Variants in CACNA1C observed in about 807,000 individuals in gnomAD.
CACNA1C encodes the protein calcium voltage-gated channel subunit alpha1 C.
A neutral mutation model predicts 229.0 loss-of-function variants in CACNA1C; 30 were observed. The observed-to-expected ratio is 0.13, with a 90% confidence interval of 0.10 to 0.18. The LOEUF (loss-of-function observed/expected upper bound fraction) is 0.18. CACNA1C is among the 10% of genes least tolerant of loss of function. The pLI is 1.00. For synonymous variants in CACNA1C, 1,114 were observed against 1,132.5 expected (o/e 0.98, Z 0.33); for missense variants, 1,658 against 2,845.0 (o/e 0.58, Z 9.49).
chr12:2,504,722 G>T lies in CACNA1C; in HGVS notation c.1114-120G>T. The T allele has an allele frequency of 1.3e-6, 1 of 759,218 alleles. No homozygotes were observed. Among genetic ancestry groups the T allele is most frequent in the South Asian group, 1.5e-5 (1 of 67,554 alleles). 47.0% of individuals were successfully genotyped at this position (759,218 alleles called of 1,614,324 possible). ...AGGCAGGCTGTTTGGCCTCTGATTT[G>T]CACCTAGAGGGTCCCCGGATCCTGG... On this transcript the variant is annotated intron_variant, in intron 7 of 46. Transcript: ENST00000399655. This position sits in a 1 kb window ranked among gnomAD's most constrained non-coding sequence, Gnocchi z 6.8.
chr12:2,179,141 A>G (rs1366768930), intron 3 of CACNA1C, among the ~76,000 whole-genome samples: 1 of 152,240 alleles, frequency 6.6e-6, no homozygotes, highest in Non-Finnish European at 1.5e-5. Flanking sequence ...ACAACCTAAT[A>G]GTTATTTAAT....
At chr12:2,389,903 C>G (rs2098455572) in intron 3 of CACNA1C, among the ~76,000 whole-genome samples, 1 of 152,162 alleles carries the variant, frequency 6.6e-6, no homozygotes, top group Non-Finnish European at 1.5e-5. Context: ...TATTTCCCTC[C>G]TCTCTTACTT....
chr12:2,416,727 GT>G (rs1348260329), intron 3 of CACNA1C, among the ~76,000 whole-genome samples: 1 of 152,222 alleles, frequency 6.6e-6, no homozygotes, highest in Non-Finnish European at 1.5e-5. Context: ...GAGAAGAGGA[GT>G]TAATTTTTAC....
intron 3 of CACNA1C, among the ~76,000 whole-genome samples, chr12:2,237,280 C>T (rs892656592): frequency 6.6e-6 from 1 of 152,228 alleles, no homozygotes; most frequent in African/African-American, 2.4e-5. Flanking sequence ...CTGCACACAG[C>T]AGCCTCCATT....
chr12:2,633,563 T>C lies in CACNA1C; in HGVS notation c.3829-734T>C. 2 of 920,686 alleles carry C rather than the reference T, an allele frequency of 2.2e-6. No individual in the cohort carries two copies. The highest frequency in any genetic ancestry group is 3.6e-6 in the Non-Finnish European group (2 of 551,400). 57.0% of individuals were successfully genotyped at this position (920,686 alleles called of 1,614,324 possible). A position where few individuals can be genotyped will look rare whatever the true frequency, so the allele number is the denominator to read the frequency against. On this transcript the variant is annotated intron_variant, in intron 29 of 46. Coordinates refer to ENST00000399655, the MANE Select transcript of CACNA1C (RefSeq NM_000719.7). The surrounding 1 kb of genome is among the most constrained non-coding windows in gnomAD (Gnocchi z 5.8). ...CTGGACGATGATTCTGATGGTGGTG[T>C]TGCTCTGTTCTTGTCTGTCTAATAT...
At chr12:2,154,517 T>C (rs2095454418) in intron 3 of CACNA1C, among the ~76,000 whole-genome samples, 2 of 152,008 alleles carry the variant, frequency 1.3e-5, no homozygotes, top group African/African-American at 4.8e-5. Context: ...GGGCCAGCAG[T>C]GGGTCAGGGA....
intron 1 of CACNA1C, among the ~76,000 whole-genome samples, chr12:2,031,622 C>A (rs1169673104): frequency 6.6e-6 from 1 of 152,146 alleles, no homozygotes; most frequent in African/African-American, 2.4e-5. Context: ...ATCCTACTAC[C>A]CCTTACCTTA....
chr12:2,550,555 G>A (rs757203844), intron 10 of CACNA1C: 1 of 1,351,794 alleles, frequency 7.4e-7, no homozygotes, highest in Non-Finnish European at 9.8e-7. Flanking sequence ...AAGGGAAGCA[G>A]AAGTGCAGTG....
At chr12:2,124,194 T>C (rs867711545) in intron 3 of CACNA1C, among the ~76,000 whole-genome samples, 10 of 151,230 alleles carry the variant, frequency 6.6e-5, no homozygotes, top group Middle Eastern at 3.4e-3. Context: ...GGCACTATGA[T>C]TAATAGGGAA....
chr12:2,459,169 GTTT>G (rs59909090), intron 5 of CACNA1C, among the ~76,000 whole-genome samples: 2,541 of 109,460 alleles, frequency 0.023, 49 homozygotes, highest in African/African-American at 0.068. Context: ...TTTTGTGTGT[GTTT>G]TTTTTTTTTT....
At position 2,204,952 on chromosome 12, in the gene CACNA1C, T is replaced by C. The variant is rs1181773435; in HGVS notation, c.477+84522T>C. 4.5e-5 allele frequency among the ~76,000 whole-genome samples: 3 copies of C among 66,390 alleles called. No homozygotes were observed. The Admixed American group carries it at 4.7e-4, about 10-fold the overall frequency. The allele number at this position is 66,390 out of a possible 152,430, so 43.6% of individuals were successfully genotyped here. A position where few individuals can be genotyped will look rare whatever the true frequency, so the allele number is the denominator to read the frequency against. Reference sequence around the variant, plus strand: ...AAAACTTTAATAAAAAAAAATAAATTAATTAAAAAAAACAAAAACAAAAAA... The same window carrying C: ...AAAACTTTAATAAAAAAAAATAAATCAATTAAAAAAAACAAAAACAAAAAA... On this transcript the variant is annotated intron_variant, in intron 3 of 46. Transcript: ENST00000399655.
At chr12:2,494,670 C>T (rs764453216) in intron 7 of CACNA1C, among the ~76,000 whole-genome samples, 10 of 152,202 alleles carry the variant, frequency 6.6e-5, no homozygotes, top group South Asian at 2.1e-4. Context: ...CTTCCTGAAT[C>T]GGAAGGAAGA....
intron 1 of CACNA1C, among the ~76,000 whole-genome samples, chr12:2,017,934 T>C (rs1265957572): frequency 1.3e-5 from 2 of 152,236 alleles, no homozygotes; most frequent in African/African-American, 4.8e-5. Flanking sequence ...CTACACGGAC[T>C]CAACACAATA....
Position 2,694,922 on chromosome 12 carries a change from G to C in CACNA1C, c.*3723G>C, listed in dbSNP as rs1345253409. ...GGGATAGAGTGGAACCCTGGTCATC[G>C]GGGTTTTTAGCCTCATCGTGGGAAA... is the stretch of plus-strand genomic sequence containing the variant. On this transcript the variant is annotated 3_prime_UTR_variant, in exon 47 of 47. Coordinates refer to ENST00000399655, the MANE Select transcript of CACNA1C (RefSeq NM_000719.7). 1.3e-5 allele frequency: 2 copies of C among 152,226 alleles called. No homozygotes were observed. The highest frequency in any genetic ancestry group is 2.4e-5 in the African/African-American group (1 of 41,444). The allele number at this position is 152,226 out of a possible 1,614,324, so 9.4% of individuals were successfully genotyped here.
At chr12:2,188,708 T>C (rs2097119967) in intron 3 of CACNA1C, among the ~76,000 whole-genome samples, 1 of 152,170 alleles carries the variant, frequency 6.6e-6, no homozygotes, top group Admixed American at 6.5e-5. Context: ...GTGGTATCCT[T>C]ATAAAATACA....
chr12:2,253,986 G>A (rs1453322705), intron 3 of CACNA1C, among the ~76,000 whole-genome samples: 1 of 152,186 alleles, frequency 6.6e-6, no homozygotes, highest in Non-Finnish European at 1.5e-5. Context: ...TCCAGGGGAG[G>A]GCTGGATGGG....
chr12:2,253,912 A>G (rs1934414712), intron 3 of CACNA1C, among the ~76,000 whole-genome samples: 1 of 152,202 alleles, frequency 6.6e-6, no homozygotes, highest in African/African-American at 2.4e-5. Context: ...TGGAGAGAGA[A>G]AACTTTGAAA....
At chr12:2,561,310 G>T (rs542203953) in intron 11 of CACNA1C, among the ~76,000 whole-genome samples, 12 of 152,274 alleles carry the variant, frequency 7.9e-5, no homozygotes, top group Admixed American at 2.0e-4. Flanking sequence ...GTGTCCTTTC[G>T]TGTGCTCCCT....
At chr12:2,158,553 A>G (rs537344251) in intron 3 of CACNA1C, among the ~76,000 whole-genome samples, 2 of 152,308 alleles carry the variant, frequency 1.3e-5, no homozygotes, top group African/African-American at 4.8e-5. Flanking sequence ...TCTAGAAAGA[A>G]GAAATGTATT....
Sources: allele counts gnomAD v4.1 joint callset (sites outside exome capture counted in the v4.1 genomes callset), GRCh38; gene constraint gnomAD v4.1.1; non-coding constraint Gnocchi (gnomAD v3.1); transcripts MANE v1.5; gene names NCBI Gene and HGNC (gene_info 2026-07-23, HGNC 2026-07-21).